Variants in CERS3 observed in about 807,000 individuals in gnomAD.
CERS3 encodes LAG1 homolog, ceramide synthase 3.
In CERS3, 33 loss-of-function variants were observed where a neutral mutation model predicts 50.3. The observed-to-expected ratio is 0.66, with a 90% CI of 0.50 to 0.88. CERS3 has a LOEUF of 0.88. CERS3 is among the 40% of genes least tolerant of loss of function. The pLI is 0.00. For missense variants in CERS3, 470 were observed against 460.3 expected (o/e 1.02, Z -0.19); for synonymous variants, 176 against 155.2 (o/e 1.13, Z -0.99).
intron 2 of CERS3, among the ~76,000 whole-genome samples, chr15:100,505,077 G>C (rs72759168): frequency 0.052 from 7,971 of 152,176 alleles, 295 homozygotes; most frequent in Admixed American, 0.11. Flanking sequence ...AGATACTCCT[G>C]CAAGGGCAAA....
chr15:100,543,810 G>A (rs1431933308), intron 1 of CERS3, among the ~76,000 whole-genome samples: 1 of 152,186 alleles, frequency 6.6e-6, no homozygotes, highest in Non-Finnish European at 1.5e-5. Flanking sequence ...GATTACAGGC[G>A]TGTGCCACCG....
chr15:100,429,043 G>C (rs570384183), intron 11 of CERS3, among the ~76,000 whole-genome samples: 5 of 152,362 alleles, frequency 3.3e-5, no homozygotes, highest in Admixed American at 2.6e-4. Flanking sequence ...GGCAGGGCCT[G>C]ACCCCAGGTG....
intron 2 of CERS3, among the ~76,000 whole-genome samples, chr15:100,521,057 A>G (rs541695372): frequency 6.6e-4 from 100 of 152,284 alleles, no homozygotes; most frequent in African/African-American, 2.2e-3. Flanking sequence ...GCAGGTGAAC[A>G]ATGAAGTTTA....
At chr15:100,489,066 C>G (rs531367067) in intron 4 of CERS3, among the ~76,000 whole-genome samples, 1 of 152,240 alleles carries the variant, frequency 6.6e-6, no homozygotes, top group Non-Finnish European at 1.5e-5. Context: ...TAAGCCACTG[C>G]GCCCAGCCAC....
intron 5 of CERS3, among the ~76,000 whole-genome samples, chr15:100,482,249 T>TG (rs888580916): frequency 1.3e-5 from 2 of 152,034 alleles, no homozygotes; most frequent in Non-Finnish European, 2.9e-5. Context: ...AACATAAACG[T>TG]GGGGGGAGAG....
intron 10 of CERS3, among the ~76,000 whole-genome samples, chr15:100,465,171 A>T (rs140514281): frequency 1.3e-3 from 193 of 152,220 alleles, no homozygotes; most frequent in African/African-American, 4.3e-3. Context: ...AAAGAAGAAC[A>T]GAGCAACTAG....
At position 100,402,722 on chromosome 15, in the gene CERS3, AT is replaced by A; in HGVS notation, c.1142del (p.His381LeufsTer55). 2.5e-6 allele frequency: 4 copies of A among 1,614,086 alleles called. No homozygotes were observed. Among genetic ancestry groups the A allele is most frequent in the Non-Finnish European group, 2.5e-6 (3 of 1,179,982 alleles). On this transcript the variant is annotated frameshift_variant, in exon 12 of 12. Coordinates refer to ENST00000679737, the MANE Select transcript of CERS3 (RefSeq NM_001378789.1). LOFTEE classifies it high-confidence loss of function. ...AERHLIPNGQ[H>X]GH ...TCCTGTAGGCTTCCAGCTAATGGCC[AT>A]GCTGGCCATTGGGAATGAGGTGCCT...
chr15:100,403,260 A>T (rs999699999), intron 11 of CERS3, among the ~76,000 whole-genome samples: 2 of 152,220 alleles, frequency 1.3e-5, no homozygotes, highest in South Asian at 2.1e-4. Flanking sequence ...ATGCAGCTAA[A>T]ATATGCTTAA....
chr15:100,541,930 T>A (rs984956103), intron 1 of CERS3, among the ~76,000 whole-genome samples: 1 of 152,194 alleles, frequency 6.6e-6, no homozygotes, highest in African/African-American at 2.4e-5. Context: ...ATTTACAAAA[T>A]GGGATACTAG....
At chr15:100,525,607 T>C (rs1484266807) in intron 1 of CERS3, among the ~76,000 whole-genome samples, 1 of 152,210 alleles carries the variant, frequency 6.6e-6, no homozygotes, top group African/African-American at 2.4e-5. Context: ...CTGTGGAGAA[T>C]TGTGGCTGTT....
chr15:100,431,606 G>A (rs1422797495), intron 11 of CERS3, among the ~76,000 whole-genome samples: 1 of 152,180 alleles, frequency 6.6e-6, no homozygotes, highest in Non-Finnish European at 1.5e-5. Context: ...AATAGACCCA[G>A]TAAATGGAGT....
At chr15:100,431,150 G>T (rs1432003998) in intron 11 of CERS3, among the ~76,000 whole-genome samples, 1 of 152,130 alleles carries the variant, frequency 6.6e-6, no homozygotes, top group African/African-American at 2.4e-5. Context: ...GCTACTCTTT[G>T]TGAAAAGAAA....
At chr15:100,450,283 T>G (rs1330983035) in intron 11 of CERS3, among the ~76,000 whole-genome samples, 3 of 151,934 alleles carry the variant, frequency 2.0e-5, no homozygotes, top group African/African-American at 7.3e-5. Flanking sequence ...GCTGGGCATG[T>G]GGCATGCACC....
chr15:100,482,773 A>G (rs1006364934), intron 5 of CERS3, among the ~76,000 whole-genome samples: 10 of 152,106 alleles, frequency 6.6e-5, no homozygotes, highest in Non-Finnish European at 1.3e-4. Flanking sequence ...GTTGGAAAGT[A>G]ATTTTAGGAG....
chr15:100,484,274 C>T (rs915675217), intron 5 of CERS3, among the ~76,000 whole-genome samples: 2 of 152,166 alleles, frequency 1.3e-5, no homozygotes, highest in African/African-American at 4.8e-5. Context: ...TACATAACAT[C>T]TCCTGTTCAT....
intron 1 of CERS3, among the ~76,000 whole-genome samples, chr15:100,523,793 A>G (rs1208192289): frequency 6.6e-6 from 1 of 152,156 alleles, no homozygotes; most frequent in African/African-American, 2.4e-5. Context: ...CAGTAGGAAG[A>G]AAACTGGGAG....
At chr15:100,510,113 A>G (rs1197916347) in intron 2 of CERS3, among the ~76,000 whole-genome samples, 1 of 152,170 alleles carries the variant, frequency 6.6e-6, no homozygotes, top group Non-Finnish European at 1.5e-5. Flanking sequence ...TGTTAAGACC[A>G]AGCCCATGGT....
intron 1 of CERS3, among the ~76,000 whole-genome samples, chr15:100,525,877 T>C (rs1204333288): frequency 6.6e-6 from 1 of 152,220 alleles, no homozygotes; most frequent in African/African-American, 2.4e-5. Context: ...TACTGCCAAC[T>C]GTCTGGTCTG....
chr15:100,515,361 A>G (rs2036460410), intron 2 of CERS3, among the ~76,000 whole-genome samples: 1 of 152,192 alleles, frequency 6.6e-6, no homozygotes, highest in Admixed American at 6.5e-5. Flanking sequence ...CTGTAAAATG[A>G]CTTTACAGTG....
Sources: allele counts gnomAD v4.1 joint callset (sites outside exome capture counted in the v4.1 genomes callset), GRCh38; gene constraint gnomAD v4.1.1; transcripts MANE v1.5; gene names NCBI Gene and HGNC (gene_info 2026-07-23, HGNC 2026-07-21).